BCL2L13: variants seen among roughly 807,000 people sequenced by gnomAD.
BCL2L13 encodes the protein bcl-2-like protein 13.
BCL2L13 carries 13 observed loss-of-function variants against 25.8 expected under a neutral mutation model. The observed-to-expected ratio is 0.50, with a 90% CI of 0.33 to 0.80. The LOEUF (loss-of-function observed/expected upper bound fraction) is 0.80. Among genes scored for constraint, BCL2L13 ranks in the 30% least tolerant of loss-of-function variants. The probability of loss-of-function intolerance (pLI) is 0.02; values close to 1 mark genes in which losing one functional copy is unlikely to be tolerated. For missense variants in BCL2L13, 504 were observed against 574.9 expected (o/e 0.88, Z 1.26); for synonymous variants, 244 against 230.3 (o/e 1.06, Z -0.54).
intron 5 of BCL2L13, among the ~76,000 whole-genome samples, chr22:17,699,362 C>T (rs1017687863): frequency 6.6e-6 from 1 of 152,104 alleles, no homozygotes; most frequent in African/African-American, 2.4e-5. Flanking sequence ...AATTAGTACG[C>T]TTCATTTCTA....
chr22:17,715,131 T>A, intron 6 of BCL2L13, among the ~76,000 whole-genome samples: 1 of 2,996 alleles, frequency 3.3e-4, no homozygotes, highest in East Asian at 0.014. Context: ...TTTATATATA[T>A]ATATATATAT....
At chr22:17,632,121 T>C (rs573677264) in intron 1 of BCL2L13, among the ~76,000 whole-genome samples, 3 of 152,198 alleles carry the variant, frequency 2.0e-5, no homozygotes, top group Non-Finnish European at 2.9e-5. Flanking sequence ...GGTATACATA[T>C]TTGGTATACA....
At chr22:17,642,645 G>C (rs1159752189) in intron 1 of BCL2L13, among the ~76,000 whole-genome samples, 1 of 151,350 alleles carries the variant, frequency 6.6e-6, no homozygotes, top group Non-Finnish European at 1.5e-5. Flanking sequence ...CCAGGCTGGA[G>C]TGCAATAGTG....
At chr22:17,635,984 T>C (rs189747943), upstream of BCL2L13, among the ~76,000 whole-genome samples, 944 of 152,044 alleles carry the variant, frequency 6.2e-3, 5 homozygotes, top group African/African-American at 0.019. Context: ...GCTGGGATTA[T>C]AGGCGTGAAC....
Position 17,726,834 on chromosome 22 carries a change from C to G in BCL2L13, c.758C>G (p.Pro253Arg), listed in dbSNP as rs2061312412. 1 of 1,613,968 alleles carries G rather than the reference C, an allele frequency of 6.2e-7. No individual in the cohort carries two copies. The highest frequency in any genetic ancestry group is 1.3e-5 in the African/African-American group (1 of 75,034). The change falls in exon 7 of 7, where the codon CCT (proline) becomes CGT (arginine). Residue 253 changes from proline (P) to arginine (R), a missense_variant. Pro to Arg is a moderately radical substitution (Grantham distance 103, BLOSUM62 -2). Transcript: ENST00000317582. ...ACTTCCTGGCAGTCTGAGAGCTTAC[C>G]TGTGTCACTGTCAGCTAGCCAGAGT... ...VTTSWQSESL[P>R]VSLSASQSWH...
At chr22:17,721,945 C>T (rs979104741) in intron 6 of BCL2L13, among the ~76,000 whole-genome samples, 3 of 152,302 alleles carry the variant, frequency 2.0e-5, no homozygotes, top group African/African-American at 7.2e-5. Context: ...CAGGCATGAG[C>T]CACCGCGCCC....
At chr22:17,662,289 T>C (rs768709870) in intron 2 of BCL2L13, among the ~76,000 whole-genome samples, 4 of 152,018 alleles carry the variant, frequency 2.6e-5, no homozygotes, top group East Asian at 1.9e-4. Context: ...CCATCCTGGC[T>C]AACACAGTGA....
At chr22:17,700,728 TAAG>T (rs1005276992) in intron 5 of BCL2L13, among the ~76,000 whole-genome samples, 11 of 152,318 alleles carry the variant, frequency 7.2e-5, no homozygotes, top group South Asian at 6.2e-4. Flanking sequence ...CCATCATTGT[TAAG>T]AAGGAGTTTT....
intron 6 of BCL2L13, among the ~76,000 whole-genome samples, chr22:17,714,274 C>T (rs2145776474): frequency 6.6e-6 from 1 of 151,818 alleles, no homozygotes; most frequent in African/African-American, 2.4e-5. Flanking sequence ...GCCTGGGCAA[C>T]AGAGTGAGAC....
At chr22:17,650,674 G>T (rs1014094702) in intron 1 of BCL2L13, among the ~76,000 whole-genome samples, 2 of 151,958 alleles carry the variant, frequency 1.3e-5, no homozygotes, top group African/African-American at 4.8e-5. Context: ...CTGACATTTT[G>T]ACACACCCCT....
chr22:17,711,988 A>G (rs1055395242), intron 6 of BCL2L13, among the ~76,000 whole-genome samples: 2 of 151,968 alleles, frequency 1.3e-5, no homozygotes, highest in Non-Finnish European at 2.9e-5. Flanking sequence ...AGGTAACTCA[A>G]GTTTGGAGGT....
chr22:17,696,591 C>G (rs2060271768), intron 5 of BCL2L13, among the ~76,000 whole-genome samples: 1 of 152,132 alleles, frequency 6.6e-6, no homozygotes, highest in South Asian at 2.1e-4. Context: ...ATGAATAATA[C>G]CATTTATGTT....
At chr22:17,644,511 T>G (rs1339198425) in intron 1 of BCL2L13, among the ~76,000 whole-genome samples, 1 of 151,074 alleles carries the variant, frequency 6.6e-6, no homozygotes, top group Non-Finnish European at 1.5e-5. Flanking sequence ...TTTGTATTTT[T>G]AGTAGAGACA....
intron 3 of BCL2L13, among the ~76,000 whole-genome samples, chr22:17,683,800 C>T (rs1410816540): frequency 6.6e-6 from 1 of 151,272 alleles, no homozygotes; most frequent in African/African-American, 2.4e-5. Context: ...CTACTAACTG[C>T]GTGAAATTTC....
At chr22:17,691,787 ATGTAAGT>A (rs1278777374) in intron 4 of BCL2L13, among the ~76,000 whole-genome samples, 2 of 152,212 alleles carry the variant, frequency 1.3e-5, no homozygotes, top group African/African-American at 4.8e-5. Flanking sequence ...AAACAGTGTT[ATGTAAGT>A]TTTTAAAAGT....
chr22:17,690,168 A>G (rs1421190092), intron 4 of BCL2L13, among the ~76,000 whole-genome samples: 1 of 151,876 alleles, frequency 6.6e-6, no homozygotes, highest in African/African-American at 2.4e-5. Flanking sequence ...TCTAGTAAAA[A>G]TACAAAAATT....
intron 1 of BCL2L13, among the ~76,000 whole-genome samples, chr22:17,652,033 C>A (rs894908927): frequency 6.6e-6 from 1 of 152,074 alleles, no homozygotes; most frequent in Non-Finnish European, 1.5e-5. Flanking sequence ...GTATCACTAC[C>A]TGGATGACCT....
chr22:17,701,930 A>G (rs1044483913), intron 5 of BCL2L13, among the ~76,000 whole-genome samples: 3 of 151,756 alleles, frequency 2.0e-5, no homozygotes, highest in African/African-American at 7.3e-5. Flanking sequence ...AAAAAAAAAA[A>G]AAAGGAAAAA....
At chr22:17,708,479 G>A (rs889458368) in intron 6 of BCL2L13, among the ~76,000 whole-genome samples, 1 of 152,152 alleles carries the variant, frequency 6.6e-6, no homozygotes, top group African/African-American at 2.4e-5. Flanking sequence ...TCCTCTCATA[G>A]CATTGTTGTG....
Sources: allele counts gnomAD v4.1 joint callset (sites outside exome capture counted in the v4.1 genomes callset), GRCh38; gene constraint gnomAD v4.1.1; transcripts MANE v1.5; gene names NCBI Gene and HGNC (gene_info 2026-07-23, HGNC 2026-07-21).